The following CYFIP2 variants were observed in gnomAD, a reference collection of about 807,000 sequenced individuals.
CYFIP2 encodes the protein cytoplasmic FMR1-interacting protein 2.
Under a neutral mutation model 158.7 loss-of-function variants are expected in CYFIP2, and 29 were observed. That is an observed-to-expected ratio of 0.18 (90% CI 0.14 to 0.25). The LOEUF (loss-of-function observed/expected upper bound fraction) is 0.25. Ranked by LOEUF, CYFIP2 falls within the 10% of genes least tolerant of loss-of-function variation. The pLI is 1.00. For synonymous variants in CYFIP2, 585 were observed against 617.6 expected (o/e 0.95, Z 0.78); for missense variants, 852 against 1,639.5 (o/e 0.52, Z 8.29).
At chr5:157,389,472 T>G in intron 29 of CYFIP2, 45 bp downstream of exon 29, 1 of 1,481,066 alleles carries the variant, frequency 6.8e-7, no homozygotes, top group Non-Finnish European at 9.0e-7. Context: ...AACCTGCCTG[T>G]GCTCCTGCAA....
chr5:157,279,367 T>C (rs1042763503), intron 1 of CYFIP2, among the ~76,000 whole-genome samples: 34 of 152,350 alleles, frequency 2.2e-4, no homozygotes, highest in Admixed American at 5.9e-4. Context: ...GTCTTAATAT[T>C]TCATTTCTTT....
At chr5:157,304,468 A>G in intron 8 of CYFIP2, 102 bp downstream of exon 8, 2 of 1,350,040 alleles carry the variant, frequency 1.5e-6, no homozygotes, top group South Asian at 2.8e-5. Context: ...TTTTTCTTAA[A>G]CATTGATACA....
Position 157,326,015 on chromosome 5 carries a change from T to C in CYFIP2, c.1983-156T>C, listed in dbSNP as rs149044751. ...TCTTTGGACTGACTGTAAAGTAAGT[T>C]GCTTCTAAGCGGTGGAGGCTCAAGG... is the stretch of plus-strand genomic sequence containing the variant. On this transcript the variant is annotated intron_variant, in intron 17 of 30. Coordinates refer to ENST00000620254, the MANE Select transcript of CYFIP2 (RefSeq NM_001037333.3). The C allele has an allele frequency of 1.4e-4, 86 of 629,890 alleles. No homozygotes were observed. The East Asian group carries it at 2.2e-3, about 16-fold the overall frequency. The allele number at this position is 629,890 out of a possible 1,614,324, so 39.0% of individuals were successfully genotyped here.
chr5:157,303,838 T>G (rs1462906584), intron 7 of CYFIP2, among the ~76,000 whole-genome samples: 20 of 151,542 alleles, frequency 1.3e-4, no homozygotes, highest in Admixed American at 1.3e-3. Context: ...CACCGCCAGC[T>G]CTCCTCCCCT....
At chr5:157,329,832 G>A (rs1311616192) in intron 19 of CYFIP2, among the ~76,000 whole-genome samples, 1 of 152,122 alleles carries the variant, frequency 6.6e-6, no homozygotes, top group Non-Finnish European at 1.5e-5. Flanking sequence ...AAATATAGAT[G>A]GTGTCTCTTT....
intron 6 of CYFIP2, among the ~76,000 whole-genome samples, chr5:157,301,367 T>TCAA (rs1758732681): frequency 6.6e-6 from 1 of 152,130 alleles, no homozygotes; most frequent in Non-Finnish European, 1.5e-5. Context: ...AGCTCTCAGG[T>TCAA]CAACCTCCTC....
Position 157,389,276 on chromosome 5 carries a change from A to G in CYFIP2, c.3295A>G (p.Ile1099Val), listed in dbSNP as rs756811832. 1 of 1,614,056 alleles carries G rather than the reference A, an allele frequency of 6.2e-7. No homozygotes were observed. The highest frequency in any genetic ancestry group is 2.2e-5 in the East Asian group (1 of 44,874). Residue 1099 changes from isoleucine to valine, a missense_variant, in exon 29 of 31, where the codon ATT (isoleucine) becomes GTT (valine). Ile to Val is a conservative substitution (Grantham distance 29, BLOSUM62 3). Around this residue, in one of 8 missense-constraint regions of CYFIP2, gnomAD observed 223 missense variants for 381.6 expected, o/e 0.58. Coordinates refer to ENST00000620254, the MANE Select transcript of CYFIP2 (RefSeq NM_001037333.3). ...LSMFEVILTR[I>V]RSYLQDPIWR... ...CATGTTCGAGGTCATCCTGACCCGCATTCGGAGCTACCTGCAGGACCCCAT... is the reference window on the plus strand; with the variant it reads ...CATGTTCGAGGTCATCCTGACCCGCGTTCGGAGCTACCTGCAGGACCCCAT...
intron 7 of CYFIP2, 25 bp downstream of exon 7, chr5:157,302,915 C>T (rs778796341): frequency 9.1e-6 from 14 of 1,546,022 alleles, no homozygotes; most frequent in Admixed American, 2.0e-5. Flanking sequence ...CTTGTTAGGC[C>T]TGGCCTGATG....
At position 157,361,554 on chromosome 5, in the gene CYFIP2, G is replaced by T; in HGVS notation, c.2995G>T (p.Val999Leu). The change falls in exon 26 of 31, where the codon GTG (valine) becomes TTG (leucine). Residue 999 changes from valine (V) to leucine (L), a missense_variant. Val to Leu is a conservative substitution (Grantham distance 32). This residue lies in a region of CYFIP2 where 223 missense variants were observed against 381.6 expected (regional missense o/e 0.58). Transcript: ENST00000620254. This position sits in a 1 kb window ranked among gnomAD's most constrained non-coding sequence, Gnocchi z 4.4. ...KTDVFQSLREVGNAILFCLLI... is the reference protein window; with the variant it reads ...KTDVFQSLRELGNAILFCLLI... ...AGACGTGTTCCAGAGCCTGAGGGAA[G>T]TGGGCAATGCCATCCTCTTCTGCCT... The T allele has an allele frequency of 6.2e-7, 1 of 1,614,084 alleles. No homozygotes were observed. Among genetic ancestry groups the T allele is most frequent in the Non-Finnish European group, 8.5e-7 (1 of 1,179,986 alleles).
chr5:157,314,296 A>G (rs1759963737), intron 11 of CYFIP2, 48 bp from the exon 12 acceptor site: 1 of 1,593,108 alleles, frequency 6.3e-7, no homozygotes, highest in African/African-American at 1.3e-5. Flanking sequence ...ATAACATATA[A>G]AAGTGTCAGG....
At chr5:157,270,068 G>GC (rs747361789) in intron 1 of CYFIP2, among the ~76,000 whole-genome samples, 1 of 152,234 alleles carries the variant, frequency 6.6e-6, no homozygotes, top group Non-Finnish European at 1.5e-5. Context: ...CATTCTGGTT[G>GC]CGTGGCATTT....
chr5:157,384,715 G>A (rs1182771587), intron 28 of CYFIP2: 21 of 347,820 alleles, frequency 6.0e-5, no homozygotes, highest in East Asian at 5.2e-4. Context: ...CGAGGCAGGC[G>A]GATCACCTCA....
chr5:157,330,675 G>T (rs1407178017), intron 19 of CYFIP2, 67 bp from the exon 20 acceptor site: 6 of 1,188,596 alleles, frequency 5.0e-6, no homozygotes, highest in Non-Finnish European at 7.5e-6. Flanking sequence ...TGAAATAGAT[G>T]TATCTGGGCA....
At chr5:157,340,161 A>G (rs1762145552) in intron 22 of CYFIP2, among the ~76,000 whole-genome samples, 1 of 152,238 alleles carries the variant, frequency 6.6e-6, no homozygotes. Context: ...CTTTATCCCC[A>G]CAAAGTTTCA....
intron 26 of CYFIP2, among the ~76,000 whole-genome samples, chr5:157,379,139 C>T (rs1034376487): frequency 2.0e-5 from 3 of 152,162 alleles, no homozygotes; most frequent in African/African-American, 4.8e-5. Flanking sequence ...TACTTACTGA[C>T]TCCCTACTTG....
intron 26 of CYFIP2, among the ~76,000 whole-genome samples, chr5:157,367,400 C>G (rs1210060381): frequency 6.6e-6 from 1 of 152,170 alleles, no homozygotes; most frequent in South Asian, 2.1e-4. Flanking sequence ...TCATCTAGTG[C>G]AACCTCAAAT....
intron 26 of CYFIP2, chr5:157,363,382 T>G (rs1285832237): frequency 6.6e-6 from 1 of 152,196 alleles, no homozygotes; most frequent in East Asian, 1.9e-4. Context: ...TGGTCATGAA[T>G]AAGAGACAGA....
intron 5 of CYFIP2, among the ~76,000 whole-genome samples, chr5:157,297,425 T>G (rs186350088): frequency 6.2e-4 from 95 of 152,310 alleles, no homozygotes; most frequent in East Asian, 1.9e-4. Context: ...ACCTTGGGAT[T>G]TTTCACCTTG....
intron 10 of CYFIP2, among the ~76,000 whole-genome samples, chr5:157,310,077 C>T (rs926227981): frequency 6.6e-6 from 1 of 152,220 alleles, no homozygotes; most frequent in African/African-American, 2.4e-5. Flanking sequence ...CCAGCAGTGA[C>T]TCGCATGTCC....
Sources: allele counts gnomAD v4.1 joint callset (sites outside exome capture counted in the v4.1 genomes callset), GRCh38; gene constraint gnomAD v4.1.1; regional missense constraint gnomAD v4.1.1; non-coding constraint Gnocchi (gnomAD v3.1); transcripts MANE v1.5; gene names NCBI Gene and HGNC (gene_info 2026-07-23, HGNC 2026-07-21).